The following ADGRL3 variants were observed in gnomAD, a reference collection of about 807,000 sequenced individuals.
ADGRL3 encodes adhesion G protein-coupled receptor L3, also known as calcium-independent alpha-latrotoxin receptor 3.
ADGRL3 carries 62 observed loss-of-function variants against 153.5 expected under a neutral mutation model. That is an observed-to-expected ratio of 0.40 (90% CI 0.33 to 0.50). The LOEUF (loss-of-function observed/expected upper bound fraction) is 0.50. Among genes scored for constraint, ADGRL3 ranks in the 20% least tolerant of loss-of-function variants. The pLI, the probability that ADGRL3 is intolerant of heterozygous loss-of-function variation, is 0.47. For synonymous variants in ADGRL3, 710 were observed against 672.5 expected (o/e 1.06, Z -0.86); for missense variants, 1,641 against 1,859.4 (o/e 0.88, Z 2.16).
intron 8 of ADGRL3, among the ~76,000 whole-genome samples, chr4:61,788,560 T>A (rs1315277583): frequency 6.6e-6 from 1 of 152,134 alleles, no homozygotes; most frequent in Non-Finnish European, 1.5e-5. Context: ...AGATCTTTCC[T>A]TTGACATAAT....
At chr4:61,847,357 C>A (rs1253231896) in intron 9 of ADGRL3, among the ~76,000 whole-genome samples, 1 of 150,442 alleles carries the variant, frequency 6.6e-6, no homozygotes, top group Admixed American at 6.7e-5. Context: ...AGTATTATAC[C>A]AAGTTACAGA....
intron 2 of ADGRL3, among the ~76,000 whole-genome samples, chr4:61,439,860 C>T: frequency 6.6e-6 from 1 of 152,056 alleles, no homozygotes; most frequent in East Asian, 1.9e-4. Context: ...GTAACTCAAT[C>T]CTTCTCTTTT....
chr4:61,766,969 C>T (rs1188483790), intron 8 of ADGRL3, among the ~76,000 whole-genome samples: 1 of 151,856 alleles, frequency 6.6e-6, no homozygotes, highest in African/African-American at 2.4e-5. Flanking sequence ...AGTTTATAGG[C>T]TTTAAAAGGC....
At chr4:61,913,267 G>A (rs1025219987) in intron 13 of ADGRL3, among the ~76,000 whole-genome samples, 1 of 152,084 alleles carries the variant, frequency 6.6e-6, no homozygotes, top group East Asian at 1.9e-4. Flanking sequence ...CAATGTAAAT[G>A]TACTTTGTTT....
intron 17 of ADGRL3, among the ~76,000 whole-genome samples, chr4:61,967,707 C>T (rs919294965): frequency 1.3e-5 from 2 of 152,088 alleles, no homozygotes; most frequent in African/African-American, 4.8e-5. Context: ...CCAAAATGTC[C>T]ATCATTTTTA....
intron 17 of ADGRL3, among the ~76,000 whole-genome samples, chr4:61,950,804 TC>T (rs1307354043): frequency 6.6e-6 from 1 of 152,210 alleles, no homozygotes; most frequent in East Asian, 1.9e-4. Flanking sequence ...GGAGGTTGTT[TC>T]AGTAGCTATT....
At position 61,391,249 on chromosome 4, in the gene ADGRL3, G is replaced by A. The variant is rs6825932; in HGVS notation, c.-174+8060G>A. Among the ~76,000 whole-genome samples, 1,487 of 152,262 alleles carry A rather than the reference G, an allele frequency of 9.8e-3. 27 individuals carry two copies. Among genetic ancestry groups the A allele is most frequent in the African/African-American group, 0.033 (1,382 of 41,546 alleles). On this transcript the variant is annotated intron_variant, in intron 2 of 26. Transcript: ENST00000683033. The stretch of plus-strand genomic sequence containing the variant: ...CAGGGAATTTACTGTCATGGCAGAA[G>A]GCAAAGAGGGCCCAGTGTAGCTCAT...
intron 8 of ADGRL3, among the ~76,000 whole-genome samples, chr4:61,744,213 C>T (rs972125755): frequency 3.3e-5 from 5 of 152,198 alleles, no homozygotes; most frequent in African/African-American, 4.8e-5. Context: ...AGCAGGGAAA[C>T]TCGAACTGGG....
In ADGRL3 at chr4:61,474,813, G is replaced by A. The variant is rs146480288; in HGVS notation, c.-173-22308G>A. 7.3e-3 allele frequency among the ~76,000 whole-genome samples: 1,115 copies of A among 152,180 alleles called. 11 individuals carry two copies. Among genetic ancestry groups the A allele is most frequent in the South Asian group, 0.039 (189 of 4,832 alleles). ...AAAAGCATAAATATAGTTCATTTGA[G>A]CACTATTATATTTTACCTATCTATC... is the stretch of plus-strand genomic sequence containing the variant. On this transcript the variant is annotated intron_variant, in intron 2 of 26. Coordinates refer to ENST00000683033, the MANE Select transcript of ADGRL3 (RefSeq NM_001387552.1).
intron 19 of ADGRL3, 47 bp from the exon 20 acceptor site, chr4:61,996,244 C>T (rs1331378362): frequency 1.6e-6 from 2 of 1,232,644 alleles, no homozygotes; most frequent in East Asian, 4.7e-5. Flanking sequence ...GATGTATGTC[C>T]CATACCCAGT....
intron 1 of ADGRL3, among the ~76,000 whole-genome samples, chr4:61,331,074 G>T (rs1404257164): frequency 3.3e-5 from 5 of 152,196 alleles, no homozygotes; most frequent in African/African-American, 1.2e-4. Flanking sequence ...GGTTCAAGGG[G>T]AGGGATCATG....
chr4:61,230,481 A>G (rs1750134250), intron 1 of ADGRL3, among the ~76,000 whole-genome samples: 1 of 152,190 alleles, frequency 6.6e-6, no homozygotes, highest in African/African-American at 2.4e-5. Context: ...TTCCCAATTT[A>G]TTTAAATCTT....
intron 21 of ADGRL3, among the ~76,000 whole-genome samples, chr4:62,008,418 G>A (rs1374725245): frequency 6.6e-6 from 1 of 152,098 alleles, no homozygotes; most frequent in Admixed American, 6.6e-5. Flanking sequence ...TCTTATATAA[G>A]AAGGACGCAG....
intron 2 of ADGRL3, among the ~76,000 whole-genome samples, chr4:61,395,492 A>G (rs1288918825): frequency 6.6e-6 from 1 of 151,862 alleles, no homozygotes; most frequent in Admixed American, 6.6e-5. Flanking sequence ...CACAAAACTT[A>G]TACAGATAAT....
Position 61,939,659 on chromosome 4 carries a change from A to G in ADGRL3, c.2419+3614A>G, listed in dbSNP as rs1581555680. On this transcript the variant is annotated intron_variant, in intron 15 of 26. Coordinates refer to ENST00000683033, the MANE Select transcript of ADGRL3 (RefSeq NM_001387552.1). ...TAATTTTTGTATTTTTAGTAGAGAC[A>G]GGGTTTCGCCATATTGGTCAGGCTG... 1.3e-5 allele frequency among the ~76,000 whole-genome samples: 2 copies of G among 151,888 alleles called. 1 individual carries two copies. The highest frequency in any genetic ancestry group is 4.1e-4 in the South Asian group (2 of 4,822).
intron 2 of ADGRL3, among the ~76,000 whole-genome samples, chr4:61,477,738 C>G (rs1227296589): frequency 6.6e-6 from 1 of 151,966 alleles, no homozygotes; most frequent in Non-Finnish European, 1.5e-5. Context: ...GGATTGGAGT[C>G]AGTACATCCT....
intron 4 of ADGRL3, among the ~76,000 whole-genome samples, chr4:61,574,064 C>A (rs577440099): frequency 6.6e-6 from 1 of 151,868 alleles, no homozygotes; most frequent in African/African-American, 2.4e-5. Context: ...AACCAAAAGG[C>A]CTTTGTCACT....
At chr4:61,444,270 G>T (rs763824708) in intron 2 of ADGRL3, among the ~76,000 whole-genome samples, 1 of 151,976 alleles carries the variant, frequency 6.6e-6, no homozygotes, top group Non-Finnish European at 1.5e-5. Context: ...TAGGCTTTTG[G>T]TGCAGCTTTC....
At chr4:61,342,150 A>G (rs1240760062) in intron 1 of ADGRL3, among the ~76,000 whole-genome samples, 1 of 152,020 alleles carries the variant, frequency 6.6e-6, no homozygotes, top group Non-Finnish European at 1.5e-5. Flanking sequence ...GGCATTTCAA[A>G]TTTTCCTTGC....
Sources: gnomAD v4.1 joint callset for allele counts (sites outside exome capture counted in the v4.1 genomes callset) on GRCh38, gnomAD v4.1.1 for gene constraint, MANE v1.5 for transcripts, NCBI Gene and HGNC (gene_info 2026-07-23, HGNC 2026-07-21) for gene names.